The following WDR36 variants were observed in gnomAD, a reference collection of about 807,000 sequenced individuals.
WDR36 encodes WD repeat domain 36.
WDR36 carries 63 observed loss-of-function variants against 112.7 expected under a neutral mutation model. The observed-to-expected ratio is 0.56, with a 90% CI of 0.46 to 0.69. The LOEUF (loss-of-function observed/expected upper bound fraction) is 0.69, where lower values mean the gene tolerates loss of function less well. WDR36 is among the 30% of genes least tolerant of loss of function. WDR36 has a pLI of 0.00. For synonymous variants in WDR36, 410 were observed against 362.2 expected (o/e 1.13, Z -1.50); for missense variants, 1,226 against 1,070.3 (o/e 1.15, Z -2.03).
Position 111,106,129 on chromosome 5 carries a change from C to G in WDR36, c.1166C>G (p.Thr389Arg), listed in dbSNP as rs1260260317. ...NTMSVRLPPITKFAAEEARES... is the reference protein window; with the variant it reads ...NTMSVRLPPIRKFAAEEARES... ...ATGTCAGTGAGACTTCCACCCATCA[C>G]AAAGTTTGCAGCAGGTAAGTAACTT... The change falls in exon 11 of 23, where the codon ACA becomes AGA. Residue 389 changes from threonine (T) to arginine (R), a missense_variant. By Grantham distance (71) the Thr-to-Arg change is moderately conservative (BLOSUM62 -1). Transcript: ENST00000513710. 1 of 1,609,858 alleles carries G rather than the reference C, an allele frequency of 6.2e-7. No homozygotes were observed. Among genetic ancestry groups the G allele is most frequent in the Admixed American group, 1.7e-5 (1 of 59,714 alleles).
chr5:111,125,679 C>T lies in WDR36; in HGVS notation c.2422C>T (p.Pro808Ser), dbSNP rs1309358467. 1.2e-6 allele frequency: 2 copies of T among 1,613,864 alleles called. No individual in the cohort carries two copies. Among genetic ancestry groups the T allele is most frequent in the East Asian group, 4.5e-5 (2 of 44,826 alleles). The change falls in exon 22 of 23, where the codon CCT (proline) becomes TCT (serine). Residue 808 changes from proline to serine, a missense_variant. Physicochemically the swap from Pro to Ser is moderately conservative, Grantham distance 74. Coordinates refer to ENST00000513710, the MANE Select transcript of WDR36 (RefSeq NM_139281.3). Reference protein sequence around the residue: ...GIETELRSLSPDCGGSIEVMQ... With the variant: ...GIETELRSLSSDCGGSIEVMQ... ...TGAAACAGAGCTGCGAAGCTTGTCT[C>T]CTGATTGTGGTGGGTCCATAGAAGT...
At chr5:111,099,281 C>CT (rs1307312080) in intron 4 of WDR36, among the ~76,000 whole-genome samples, 1 of 151,972 alleles carries the variant, frequency 6.6e-6, no homozygotes. Flanking sequence ...ACTGTGATAG[C>CT]TTAGACAGTG....
At chr5:111,094,979 C>T (rs1752945689) in intron 2 of WDR36, 32 bp downstream of exon 2, 1 of 1,590,370 alleles carries the variant, frequency 6.3e-7, no homozygotes, top group African/African-American at 1.3e-5. Context: ...AATTTATGCA[C>T]ATCTAAACTT....
intron 22 of WDR36, among the ~76,000 whole-genome samples, chr5:111,126,245 TCTA>T (rs1336993428): frequency 6.6e-6 from 1 of 152,130 alleles, no homozygotes; most frequent in Non-Finnish European, 1.5e-5. Flanking sequence ...TGTTTTTTTT[TCTA>T]CTACTGAAAT....
At chr5:111,121,421 A>T (rs1753563964) in intron 19 of WDR36, among the ~76,000 whole-genome samples, 1 of 152,196 alleles carries the variant, frequency 6.6e-6, no homozygotes, top group African/African-American at 2.4e-5. Context: ...TTTAAAATCC[A>T]GCCTAAGAAA....
At chr5:111,107,529 C>A (rs10043631) in intron 12 of WDR36, 90 bp downstream of exon 12, 1 of 1,520,860 alleles carries the variant, frequency 6.6e-7, no homozygotes, top group Non-Finnish European at 8.9e-7. Context: ...ATAATATTGA[C>A]TGAAAAAACG....
intron 21 of WDR36, 46 bp downstream of exon 21, chr5:111,124,235 T>C: frequency 6.8e-7 from 1 of 1,459,886 alleles, no homozygotes; most frequent in Non-Finnish European, 9.5e-7. Context: ...TTAGCTTATT[T>C]TACTGTATAT....
chr5:111,118,555 A>G (rs1024051631), intron 16 of WDR36, among the ~76,000 whole-genome samples: 1 of 152,156 alleles, frequency 6.6e-6, no homozygotes, highest in Non-Finnish European at 1.5e-5. Context: ...CTTTTTTTAA[A>G]TTACTATTCT....
At chr5:111,095,047 C>A in intron 2 of WDR36, 100 bp downstream of exon 2, 1 of 1,088,380 alleles carries the variant, frequency 9.2e-7, no homozygotes. Flanking sequence ...GCCAAGGTAA[C>A]ATGTATGTCT....
In WDR36 at chr5:111,117,806, T is replaced by C. The variant is rs182918063; in HGVS notation, c.1797-1207T>C. Among the ~76,000 whole-genome samples, 8 of 152,340 alleles carry C rather than the reference T, an allele frequency of 5.3e-5. No individual in the cohort carries two copies. In the East Asian group the frequency reaches 1.5e-3, roughly 29 times the overall value. ...TGTGTGTACCTTCCTATGGATAATA[T>C]ATTGGCTTCAGAAAAGCTGTAATTA... On this transcript the variant is annotated intron_variant, in intron 16 of 22. Coordinates refer to ENST00000513710, the MANE Select transcript of WDR36 (RefSeq NM_139281.3).
chr5:111,115,103 T>C (rs545558411), intron 16 of WDR36, among the ~76,000 whole-genome samples: 116 of 152,300 alleles, frequency 7.6e-4, no homozygotes, highest in Non-Finnish European at 1.4e-3. Flanking sequence ...ACAGGCAATT[T>C]TAAGTGAATA....
intron 15 of WDR36, 21 bp downstream of exon 15, chr5:111,111,299 TA>T (rs1753334540): frequency 6.3e-7 from 1 of 1,587,524 alleles, no homozygotes; most frequent in Non-Finnish European, 8.6e-7. Flanking sequence ...CTCTAACTAA[TA>T]AAACTTGACT....
chr5:111,110,079 G>A, intron 12 of WDR36, 110 bp from the exon 13 acceptor site: 3 of 757,370 alleles, frequency 4.0e-6, no homozygotes, highest in Non-Finnish European at 6.9e-6. Context: ...TTCATTTATT[G>A]TTCTTTTGTT....
At chr5:111,120,460 A>T in intron 17 of WDR36, 36 bp from the exon 18 acceptor site, 4 of 1,532,160 alleles carry the variant, frequency 2.6e-6, no homozygotes, top group Non-Finnish European at 3.6e-6. Flanking sequence ...AACTTTTTAT[A>T]ATTTTTAAAA....
chr5:111,095,612 G>A (rs535662676), intron 2 of WDR36, among the ~76,000 whole-genome samples: 20 of 152,228 alleles, frequency 1.3e-4, no homozygotes, highest in Admixed American at 2.0e-4. Context: ...CCAACATGAC[G>A]TTAACAGGGA....
intron 19 of WDR36, among the ~76,000 whole-genome samples, chr5:111,123,463 A>G (rs895475922): frequency 1.3e-5 from 2 of 152,212 alleles, no homozygotes; most frequent in African/African-American, 4.8e-5. Context: ...AAGAGTTTGT[A>G]CTCAATACAA....
At chr5:111,096,672 C>G (rs1421895292) in intron 2 of WDR36, among the ~76,000 whole-genome samples, 2 of 151,888 alleles carry the variant, frequency 1.3e-5, no homozygotes, top group Non-Finnish European at 1.5e-5. Context: ...TCACTGCACT[C>G]CAGCCTGAGT....
chr5:111,119,650 T>G (rs1477497884), intron 17 of WDR36, among the ~76,000 whole-genome samples: 1 of 152,072 alleles, frequency 6.6e-6, no homozygotes, highest in Admixed American at 6.6e-5. Context: ...CACCTGGGTT[T>G]AGAAAAAATT....
At chr5:111,097,817 G>A (rs189243193) in intron 3 of WDR36, among the ~76,000 whole-genome samples, 2 of 152,322 alleles carry the variant, frequency 1.3e-5, no homozygotes, top group East Asian at 1.9e-4. Context: ...TAGTATCACT[G>A]TACTTGTCAG....
Sources: allele counts gnomAD v4.1 joint callset (sites outside exome capture counted in the v4.1 genomes callset), GRCh38; gene constraint gnomAD v4.1.1; transcripts MANE v1.5; gene names NCBI Gene and HGNC (gene_info 2026-07-23, HGNC 2026-07-21).